The following TBC1D30 variants were observed in gnomAD, a reference collection of about 807,000 sequenced individuals.
TBC1D30 encodes the protein TBC1 domain family member 30, also known as TBC1 domain family, member 30.
A neutral mutation model predicts 63.2 loss-of-function variants in TBC1D30; 31 were observed. The observed-to-expected ratio is 0.49, with a 90% CI of 0.37 to 0.66. The LOEUF is 0.66. Among genes scored for constraint, TBC1D30 ranks in the 30% least tolerant of loss-of-function variants. The pLI, the probability that TBC1D30 is intolerant of heterozygous loss-of-function variation, is 0.00. For synonymous variants in TBC1D30, 307 were observed against 361.5 expected, an observed-to-expected ratio of 0.85 and a Z score of 1.71; for missense variants, 810 against 953.6, an observed-to-expected ratio of 0.85 and a Z score of 1.98.
chr12:64,818,060 CAA>C (rs60136357), intron 2 of TBC1D30, among the ~76,000 whole-genome samples: 76,871 of 136,816 alleles, frequency 0.56, 21,402 homozygotes, highest in East Asian at 0.87. Flanking sequence ...GAGACTCTAC[CAA>C]AAAAAAAAAA....
intron 2 of TBC1D30, among the ~76,000 whole-genome samples, chr12:64,812,741 T>C (rs963244731): frequency 1.3e-5 from 2 of 151,340 alleles, no homozygotes; most frequent in African/African-American, 4.9e-5. Flanking sequence ...TAAACTTTGC[T>C]GTGAAAGATT....
At chr12:64,817,248 A>G (rs1462006521) in intron 2 of TBC1D30, among the ~76,000 whole-genome samples, 2 of 152,174 alleles carry the variant, frequency 1.3e-5, no homozygotes, top group African/African-American at 4.8e-5. Flanking sequence ...CCTCTAGTGC[A>G]GCAACAACAA....
At chr12:64,815,266 G>A (rs1412250968) in intron 2 of TBC1D30, among the ~76,000 whole-genome samples, 1 of 152,120 alleles carries the variant, frequency 6.6e-6, no homozygotes, top group Non-Finnish European at 1.5e-5. Flanking sequence ...ACTCATGGGA[G>A]TTAACCTGCT....
intron 2 of TBC1D30, among the ~76,000 whole-genome samples, chr12:64,816,119 G>A (rs982235503): frequency 1.3e-5 from 2 of 150,984 alleles, no homozygotes; most frequent in Admixed American, 6.6e-5. Context: ...TGCAACCTCC[G>A]TCTCCTGGGT....
chr12:64,869,360 C>T (rs1266635611), intron 10 of TBC1D30, among the ~76,000 whole-genome samples: 1 of 152,176 alleles, frequency 6.6e-6, no homozygotes, highest in East Asian at 1.9e-4. Flanking sequence ...CTGCAAGCCT[C>T]AGCTTGTTTG....
chr12:64,765,490 CAAAAAAAAAAAAAAA>C (rs60489979), intron 1 of TBC1D30, among the ~76,000 whole-genome samples: 13 of 17,604 alleles, frequency 7.4e-4, no homozygotes, highest in African/African-American at 1.2e-3. Context: ...AGACTGTCTC[CAAAAAAAAAAAAAAA>C]AAAAAAAAAA....
chr12:64,827,848 G>C lies in TBC1D30; in HGVS notation c.168G>C (p.Lys56Asn), dbSNP rs1195000103. ...LCTLEPGVDT[K>N]LKFTLEPSLG... Reference sequence around the variant, plus strand: ...TTTTTCTTTCAGGAGTTGATACCAAGTTGAAATTCACTCTTGAGCCATCTT... The same window carrying C: ...TTTTTCTTTCAGGAGTTGATACCAACTTGAAATTCACTCTTGAGCCATCTT... The change falls in exon 2 of 12, where the codon AAG becomes AAC. Residue 56 changes from lysine to asparagine, a missense_variant. Coordinates refer to ENST00000539867, the MANE Select transcript of TBC1D30 (RefSeq NM_015279.2). 1.3e-6 allele frequency: 2 copies of C among 1,533,810 alleles called. No homozygotes were observed. Among genetic ancestry groups the C allele is most frequent in the African/African-American group, 2.7e-5 (2 of 72,992 alleles).
chr12:64,835,182 C>G (rs138374950), intron 5 of TBC1D30, among the ~76,000 whole-genome samples: 1 of 152,118 alleles, frequency 6.6e-6, no homozygotes, highest in African/African-American at 2.4e-5. Flanking sequence ...GATGATGTTA[C>G]GTGTACCTGG....
At chr12:64,796,100 TCTC>T (rs1417992758) in intron 2 of TBC1D30, among the ~76,000 whole-genome samples, 1 of 152,026 alleles carries the variant, frequency 6.6e-6, no homozygotes, top group Non-Finnish European at 1.5e-5. Flanking sequence ...AGCAACAGTT[TCTC>T]CTCATTTTCT....
At chr12:64,785,289 C>T (rs552058912) in intron 1 of TBC1D30, among the ~76,000 whole-genome samples, 2 of 152,038 alleles carry the variant, frequency 1.3e-5, no homozygotes, top group East Asian at 3.9e-4. Flanking sequence ...GCTGGGATTA[C>T]AGGCATGTGC....
rs1467081948 is a variant in TBC1D30 at position 64,875,144 on chromosome 12, A to G, written c.1642A>G (p.Lys548Glu). 2.0e-6 allele frequency: 3 copies of G among 1,536,398 alleles called. No homozygotes were observed. The South Asian group carries it at 3.6e-5, about 18-fold the overall frequency. The change falls in exon 12 of 12, where the codon AAA becomes GAA. Residue 548 changes from lysine to glutamate, a missense_variant. This residue lies in a region of TBC1D30 where 450 missense variants were observed against 473.0 expected (regional missense o/e 0.95). Coordinates refer to ENST00000539867, the MANE Select transcript of TBC1D30 (RefSeq NM_015279.2). ...VIHIPGHTGG[K>E]ISPVPYEDLK... ...CCACATCCCTGGTCACACAGGAGGG[A>G]AAATATCTCCTGTCCCCTACGAAGA...
intron 1 of TBC1D30, among the ~76,000 whole-genome samples, chr12:64,766,786 T>C (rs975609534): frequency 1.3e-5 from 2 of 152,140 alleles, no homozygotes; most frequent in African/African-American, 4.8e-5. Context: ...GGATAGACCA[T>C]GTACTAGGCC....
chr12:64,870,381 T>C (rs1878559042), intron 10 of TBC1D30, among the ~76,000 whole-genome samples: 1 of 152,228 alleles, frequency 6.6e-6, no homozygotes, highest in Non-Finnish European at 1.5e-5. Context: ...TGAACCCATA[T>C]AGCTCATGTC....
chr12:64,838,632 T>A, intron 6 of TBC1D30, 51 bp from the exon 7 acceptor site: 1 of 1,520,790 alleles, frequency 6.6e-7, no homozygotes, highest in South Asian at 1.2e-5. Flanking sequence ...TATCTGCATA[T>A]GCTGCCAATC....
At position 64,818,358 on chromosome 12, in the gene TBC1D30, C is replaced by T. The variant is rs999127674; in HGVS notation, c.644-9477C>T. On this transcript the variant is annotated intron_variant, in intron 2 of 12. Coordinates refer to the TBC1D30 transcript ENST00000542120. Reference sequence around the variant, plus strand: ...AAGATGTAGCAAGAATGGTATCTCTCCAATTATTCACATAGTATTTTAAAG... The same window carrying T: ...AAGATGTAGCAAGAATGGTATCTCTTCAATTATTCACATAGTATTTTAAAG... 4 of 964,530 alleles carry T rather than the reference C, an allele frequency of 4.1e-6. No individual in the cohort carries two copies. In the East Asian group the frequency reaches 4.6e-4, roughly 111 times the overall value. 59.7% of individuals were successfully genotyped at this position (964,530 alleles called of 1,614,324 possible).
intron 8 of TBC1D30, among the ~76,000 whole-genome samples, chr12:64,843,745 A>T (rs1876108462): frequency 6.6e-6 from 1 of 152,230 alleles, no homozygotes; most frequent in African/African-American, 2.4e-5. Context: ...CTGGAAAAAT[A>T]CACTGGAAAA....
Position 64,782,780 on chromosome 12 carries a change from T to C in TBC1D30, c.478+1494T>C, listed in dbSNP as rs1457081964. ...AAGCCCTGTAATAGTTCGTTTTGCC[T>C]GTTCGGTCTTATTGCATAGCTAGTT... On this transcript the variant is annotated intron_variant, in intron 1 of 12. Transcript: ENST00000542120. 5.2e-4 allele frequency among the ~76,000 whole-genome samples: 79 copies of C among 152,236 alleles called. 1 individual carries two copies. Among genetic ancestry groups the C allele is most frequent in the Admixed American group, 5.1e-3 (78 of 15,284 alleles).
chr12:64,874,966 G>T (rs1565694113), intron 11 of TBC1D30, 35 bp from the exon 12 acceptor site: 1 of 1,508,194 alleles, frequency 6.6e-7, no homozygotes, highest in Non-Finnish European at 8.8e-7. Flanking sequence ...TTTCTTTGTG[G>T]TACACTTCAT....
At chr12:64,840,849 T>C (rs1875809347) in intron 7 of TBC1D30, among the ~76,000 whole-genome samples, 1 of 152,222 alleles carries the variant, frequency 6.6e-6, no homozygotes, top group Non-Finnish European at 1.5e-5. Context: ...TTTTTGCTTA[T>C]TATAATTCTA....
Sources: allele counts gnomAD v4.1 joint callset (sites outside exome capture counted in the v4.1 genomes callset), GRCh38; gene constraint gnomAD v4.1.1; regional missense constraint gnomAD v4.1.1; transcripts MANE v1.5; gene names NCBI Gene and HGNC (gene_info 2026-07-23, HGNC 2026-07-21).